The following RRBP1 variants were observed in gnomAD, a reference collection of about 807,000 sequenced individuals.
RRBP1 encodes ribosome-binding protein 1.
In RRBP1, 94 loss-of-function variants were observed where a neutral mutation model predicts 165.2. The observed-to-expected ratio is 0.57, with a 90% confidence interval of 0.48 to 0.68. The LOEUF is 0.68. RRBP1 is among the 30% of genes least tolerant of loss of function. The pLI is 0.00. For missense variants in RRBP1, 1,676 were observed against 1,763.0 expected, an observed-to-expected ratio of 0.95 and a Z score of 0.88; for synonymous variants, 680 against 714.5, an observed-to-expected ratio of 0.95 and a Z score of 0.77.
chr20:17,627,771 T>C (rs2036058451), intron 9 of RRBP1, 89 bp from the exon 10 acceptor site: 2 of 1,319,338 alleles, frequency 1.5e-6, no homozygotes, highest in South Asian at 1.6e-5. Flanking sequence ...TCTTAGCACA[T>C]GTGGGGCACC....
intron 16 of RRBP1, 132 bp downstream of exon 16, chr20:17,621,326 G>A: frequency 3.1e-6 from 2 of 652,490 alleles, no homozygotes; most frequent in Non-Finnish European, 5.4e-6. Context: ...TGCAGCCGAA[G>A]AACGGGGCCC....
intron 21 of RRBP1, among the ~76,000 whole-genome samples, chr20:17,616,277 C>T (rs1232488157): frequency 6.6e-6 from 1 of 152,140 alleles, no homozygotes; most frequent in Non-Finnish European, 1.5e-5. Context: ...CCCATGACAA[C>T]CCCCTTAACA....
chr20:17,649,542 G>T (rs1363424056), intron 3 of RRBP1, among the ~76,000 whole-genome samples: 1 of 145,370 alleles, frequency 6.9e-6, no homozygotes, highest in Non-Finnish European at 1.5e-5. Flanking sequence ...GCTAAGCAGC[G>T]CTGGGTTTGG....
At chr20:17,618,521 A>G (rs1350290316) in intron 20 of RRBP1, 75 bp downstream of exon 20, 9 of 1,143,202 alleles carry the variant, frequency 7.9e-6, no homozygotes, top group African/African-American at 4.6e-5. Flanking sequence ...ACACAAACGC[A>G]TGACTGGCAA....
chr20:17,679,934 C>CA (rs1408122986), intron 2 of RRBP1, 65 bp downstream of exon 2: 3 of 152,276 alleles, frequency 2.0e-5, no homozygotes, highest in Non-Finnish European at 4.4e-5. Flanking sequence ...TCCAGGCCTC[C>CA]ACTGGCCCAA....
At position 17,615,923 on chromosome 20, in the gene RRBP1, G is replaced by C. The variant is rs374689018; in HGVS notation, c.3951+3C>G. On this transcript the variant is annotated splice_donor_region_variant and intron_variant, in intron 22 of 24. Transcript: ENST00000377813. ...GGCTGAGAGCCACCAGGCAGGGCCT[G>C]ACCTCCTCAAACTCGGCCGTGAGCT... is the stretch of plus-strand genomic sequence containing the variant. The C allele has an allele frequency of 3.7e-6, 6 of 1,608,990 alleles. No homozygotes were observed. The African/African-American group carries it at 8.0e-5, about 21-fold the overall frequency.
In RRBP1 at chr20:17,621,721, T is replaced by C; in HGVS notation, c.3293A>G (p.Lys1098Arg). 1.2e-6 allele frequency: 2 copies of C among 1,613,674 alleles called. No homozygotes were observed. The highest frequency in any genetic ancestry group is 1.7e-6 in the Non-Finnish European group (2 of 1,179,984). Residue 1098 changes from lysine (K) to arginine (R), a missense_variant, in exon 15 of 25, where the codon AAG becomes AGG. Physicochemically the swap from Lys to Arg is conservative, Grantham distance 26 (BLOSUM62 2). This residue lies in a region of RRBP1 where 1,184 missense variants were observed against 1,167.1 expected (regional missense o/e 1.01). Coordinates refer to ENST00000377813, the MANE Select transcript of RRBP1 (RefSeq NM_001365613.2). ...DLKEKGPTLLKHPPAPAEPSS... is the reference protein window; with the variant it reads ...DLKEKGPTLLRHPPAPAEPSS... The stretch of plus-strand genomic sequence containing the variant: ...GGGCTCCGCGGGAGCTGGCGGGTGC[T>C]TCAGCAGCGTGGGGCCTTTCTCTTT...
chr20:17,650,563 G>C (rs2036536730), intron 3 of RRBP1, among the ~76,000 whole-genome samples: 1 of 152,222 alleles, frequency 6.6e-6, no homozygotes, highest in Non-Finnish European at 1.5e-5. Flanking sequence ...CAAGTACCCT[G>C]CATCCCCGCA....
At chr20:17,636,800 A>C in intron 5 of RRBP1, 71 bp from the exon 6 acceptor site, 1 of 1,581,744 alleles carries the variant, frequency 6.3e-7, no homozygotes, top group South Asian at 1.1e-5. Flanking sequence ...AGGGAGCAAG[A>C]GCATCACCCG....
chr20:17,614,858 T>A lies in RRBP1; in HGVS notation c.4073A>T (p.Lys1358Met), dbSNP rs935791446. Residue 1358 changes from lysine (K) to methionine (M), a missense_variant, in exon 24 of 25, where the codon AAG (lysine) becomes ATG (methionine). By Grantham distance (95) the Lys-to-Met change is moderately conservative. Around this residue, in one of 5 missense-constraint regions of RRBP1, gnomAD observed 1,184 missense variants for 1,167.1 expected, o/e 1.01. Transcript: ENST00000377813. ...GGCGCGCCCCAGGTCACTTGTTAAC[T>A]TCTTCTCTTTTTCTAGTCTCTCCTG... The part of the protein sequence containing the change: ...QLKERLEKEK[K>M]LTSDLGRAAT... 1.2e-6 allele frequency: 2 copies of A among 1,612,952 alleles called. No individual in the cohort carries two copies. Among genetic ancestry groups the A allele is most frequent in the Non-Finnish European group, 8.5e-7 (1 of 1,179,870 alleles).
chr20:17,669,911 T>A (rs1316799245), intron 2 of RRBP1, among the ~76,000 whole-genome samples: 2 of 152,224 alleles, frequency 1.3e-5, no homozygotes, highest in African/African-American at 4.8e-5. Context: ...CCCAATTTCC[T>A]ATCGTCTGCT....
rs73262671 is a variant in RRBP1, at chr20:17,661,985, G to A, written c.-21-1457C>T. 3.1e-3 allele frequency among the ~76,000 whole-genome samples: 466 copies of A among 152,264 alleles called. 2 individuals carry two copies. The highest frequency in any genetic ancestry group is 0.011 in the African/African-American group (446 of 41,548). On this transcript the variant is annotated intron_variant, in intron 2 of 24. Coordinates refer to ENST00000377813, the MANE Select transcript of RRBP1 (RefSeq NM_001365613.2). ...GTTCTAAGAAAAATCACTCTCGGCC[G>A]GGCGCGGTGGCTCACGCCTGTAATC... is the stretch of plus-strand genomic sequence containing the variant.
At chr20:17,664,514 G>A (rs190756414) in intron 2 of RRBP1, among the ~76,000 whole-genome samples, 180 of 152,384 alleles carry the variant, frequency 1.2e-3, no homozygotes, top group Non-Finnish European at 1.9e-3. Flanking sequence ...GTAGGAGGCT[G>A]CGCAGAGGCT....
At position 17,629,956 on chromosome 20, in the gene RRBP1, G is replaced by C. The variant is rs774694500; in HGVS notation, c.2616C>G (p.Ser872=). 2 of 1,594,110 alleles carry C rather than the reference G, an allele frequency of 1.3e-6. No homozygotes were observed. Among genetic ancestry groups the C allele is most frequent in the Admixed American group, 1.7e-5 (1 of 59,762 alleles). The change falls in exon 9 of 25, where the codon TCC becomes TCG. Residue 872 remains serine (S), a synonymous_variant. Transcript: ENST00000377813. ...FEKQVLQLQA[S]HRESEEALQK... ...GCAGGGCCTCCTCACTCTCCCTGTG[G>C]GACGCCTGGGGACGGGCAGGGGAGT...
In RRBP1 at chr20:17,660,351, G is replaced by A; in HGVS notation, c.157C>T (p.His53Tyr). The change falls in exon 3 of 25, where the codon CAC (histidine) becomes TAC (tyrosine). Residue 53 changes from histidine (H) to tyrosine (Y), a missense_variant. His to Tyr is a moderately conservative substitution (Grantham distance 83). Around this residue, in one of 5 missense-constraint regions of RRBP1, gnomAD observed 392 missense variants for 382.5 expected, o/e 1.02. Transcript: ENST00000377813. Reference protein sequence around the residue: ...ANQRKEMAKTHHQKVEKKKKE... With the variant: ...ANQRKEMAKTYHQKVEKKKKE... ...TTTTTCTTCTCGACTTTCTGGTGGT[G>A]AGTTTTCGCCATCTCCTTGCGCTGG... 6.2e-7 allele frequency: 1 copy of A among 1,613,928 alleles called. No individual in the cohort carries two copies. Among genetic ancestry groups the A allele is most frequent in the South Asian group, 1.1e-5 (1 of 91,048 alleles).
chr20:17,653,020 C>T lies in RRBP1; in HGVS notation c.1912+5576G>A, dbSNP rs149399063. Among the ~76,000 whole-genome samples the T allele has an allele frequency of 1.2e-3, 180 of 152,220 alleles. 2 individuals carry two copies. In the East Asian group the frequency reaches 0.027, roughly 23 times the overall value. On this transcript the variant is annotated intron_variant, in intron 3 of 24. Coordinates refer to ENST00000377813, the MANE Select transcript of RRBP1 (RefSeq NM_001365613.2). ...CTAACTGAAAACCAAGAAAATCATC[C>T]GAGGGCACAGAGACAAGGTGGGAAA...
chr20:17,680,965 G>C (rs2037170550), intron 1 of RRBP1, among the ~76,000 whole-genome samples: 1 of 152,156 alleles, frequency 6.6e-6, no homozygotes, highest in Non-Finnish European at 1.5e-5. Flanking sequence ...ACCCTCGCCA[G>C]CCGGGGCACT....
In RRBP1 at chr20:17,643,511, A is replaced by G. The variant is rs900066764; in HGVS notation, c.1913-384T>C. Among the ~76,000 whole-genome samples the G allele has an allele frequency of 1.6e-4, 24 of 151,846 alleles. No homozygotes were observed. The highest frequency in any genetic ancestry group is 5.6e-4 in the African/African-American group (23 of 41,378). ...TGCACTGGTCCTGTTCTCAACCTGCATGGCTCACCATGGTTCTCCCCACTG... is the reference window on the plus strand; with the variant it reads ...TGCACTGGTCCTGTTCTCAACCTGCGTGGCTCACCATGGTTCTCCCCACTG... On this transcript the variant is annotated intron_variant, in intron 3 of 24. Transcript: ENST00000377813. This position sits in a 1 kb window ranked among gnomAD's most constrained non-coding sequence, Gnocchi z 4.3.
At position 17,642,995 on chromosome 20, in the gene RRBP1, T is replaced by C; in HGVS notation, c.2045A>G (p.Gln682Arg). 1.9e-6 allele frequency: 3 copies of C among 1,613,972 alleles called. No homozygotes were observed. Among genetic ancestry groups the C allele is most frequent in the Non-Finnish European group, 2.5e-6 (3 of 1,179,964 alleles). Reference protein sequence around the residue: ...EILSEKAGIIQDTWHKATQKG... With the variant: ...EILSEKAGIIRDTWHKATQKG... ...TGGGCCCACCTTGTGCCAGGTGTCC[T>C]GAATGATGCCAGCCTTCTCAGACAG... Residue 682 changes from glutamine to arginine, a missense_variant, in exon 4 of 25, where the codon CAG becomes CGG. Around this residue, in one of 5 missense-constraint regions of RRBP1, gnomAD observed 1,184 missense variants for 1,167.1 expected, o/e 1.01. Coordinates refer to ENST00000377813, the MANE Select transcript of RRBP1 (RefSeq NM_001365613.2).
Sources: gnomAD v4.1 joint callset for allele counts (sites outside exome capture counted in the v4.1 genomes callset) on GRCh38, gnomAD v4.1.1 for gene constraint, gnomAD v4.1.1 regional missense constraint, Gnocchi (gnomAD v3.1) non-coding constraint, MANE v1.5 for transcripts, NCBI Gene and HGNC (gene_info 2026-07-23, HGNC 2026-07-21) for gene names.